SMPDL3B: variants seen among roughly 807,000 people sequenced by gnomAD.
The protein encoded by SMPDL3B is acid sphingomyelinase-like phosphodiesterase 3b.
SMPDL3B carries 31 observed loss-of-function variants against 37.9 expected under a neutral mutation model. That is an observed-to-expected ratio of 0.82 (90% CI 0.61 to 1.10). The LOEUF is 1.10. SMPDL3B is among the 50% of genes least tolerant of loss of function. SMPDL3B has a pLI of 0.00. For synonymous variants in SMPDL3B, 235 were observed against 242.6 expected, an observed-to-expected ratio of 0.97 and a Z score of 0.29; for missense variants, 525 against 597.8, an observed-to-expected ratio of 0.88 and a Z score of 1.27.
At chr1:27,946,448 G>A (rs1221396889) in intron 2 of SMPDL3B, among the ~76,000 whole-genome samples, 1 of 152,148 alleles carries the variant, frequency 6.6e-6, no homozygotes, top group Non-Finnish European at 1.5e-5. Context: ...CAGTTGTGGG[G>A]TAGATGCTAG....
chr1:27,955,984 G>T lies in SMPDL3B; in HGVS notation c.907G>T (p.Val303Phe). Residue 303 changes from valine (V) to phenylalanine (F), a missense_variant, in exon 7 of 8, where the codon GTC (valine) becomes TTC (phenylalanine). Coordinates refer to ENST00000373894, the MANE Select transcript of SMPDL3B (RefSeq NM_014474.4). ...AAGCGCCATGTTCATCACACCTGGA[G>T]TCACCCCATGGAAAACCACATTACC... ...PISAMFITPGVTPWKTTLPGV... is the reference protein window; with the variant it reads ...PISAMFITPGFTPWKTTLPGV... 1 of 1,614,062 alleles carries T rather than the reference G, an allele frequency of 6.2e-7. No individual in the cohort carries two copies. The highest frequency in any genetic ancestry group is 8.5e-7 in the Non-Finnish European group (1 of 1,180,016).
intron 1 of SMPDL3B, among the ~76,000 whole-genome samples, chr1:27,944,012 CAAAA>C (rs5773206): frequency 6.5e-5 from 6 of 92,322 alleles, no homozygotes; most frequent in Non-Finnish European, 8.6e-5. Context: ...AACTCTGTCT[CAAAA>C]AAAAAAAAAA....
chr1:27,949,720 GCAA>G (rs1200475899), intron 3 of SMPDL3B, among the ~76,000 whole-genome samples: 1 of 152,146 alleles, frequency 6.6e-6, no homozygotes, highest in Non-Finnish European at 1.5e-5. Context: ...GATGGCCCTT[GCAA>G]ATGTTTTAAA....
intron 1 of SMPDL3B, 138 bp downstream of exon 1, chr1:27,935,382 GCTAGT>G: frequency 1.5e-6 from 1 of 650,718 alleles, no homozygotes; most frequent in Non-Finnish European, 2.7e-6. Flanking sequence ...GGTGGGGAGA[GCTAGT>G]GGGCCTTAGC....
intron 6 of SMPDL3B, 30 bp from the exon 7 acceptor site, chr1:27,955,919 C>G (rs75377410): frequency 6.2e-7 from 1 of 1,613,082 alleles, no homozygotes; most frequent in Non-Finnish European, 8.5e-7. Context: ...TCCCCAGACC[C>G]GCTCAGTCCT....
Position 27,958,600 on chromosome 1 carries a change from C to T in SMPDL3B, c.1130C>T (p.Thr377Ile). Residue 377 changes from threonine (T) to isoleucine (I), a missense_variant, in exon 8 of 8, where the codon ACA (threonine) becomes ATA (isoleucine). Physicochemically the swap from Thr to Ile is moderately conservative, Grantham distance 89. Transcript: ENST00000373894. The surrounding 1 kb of genome is among the most constrained non-coding windows in gnomAD (Gnocchi z 5.6). Reference protein sequence around the residue: ...VPDASAHSMHTVLDRIAGDQS... With the variant: ...VPDASAHSMHIVLDRIAGDQS... Reference sequence around the variant, plus strand: ...GACGCCAGCGCCCACTCCATGCACACAGTGCTGGACCGCATCGCTGGCGAC... The same window carrying T: ...GACGCCAGCGCCCACTCCATGCACATAGTGCTGGACCGCATCGCTGGCGAC... 1.2e-6 allele frequency: 2 copies of T among 1,613,194 alleles called. No individual in the cohort carries two copies. Among genetic ancestry groups the T allele is most frequent in the South Asian group, 2.2e-5 (2 of 91,082 alleles).
intron 7 of SMPDL3B, chr1:27,956,348 G>A: frequency 2.2e-6 from 3 of 1,360,546 alleles, no homozygotes; most frequent in Non-Finnish European, 2.9e-6. Context: ...GCCCTGCTAT[G>A]GCCCATCCGC....
At chr1:27,941,233 A>G (rs890944771) in intron 1 of SMPDL3B, among the ~76,000 whole-genome samples, 1 of 152,234 alleles carries the variant, frequency 6.6e-6, no homozygotes, top group African/African-American at 2.4e-5. Context: ...AACAGGCATG[A>G]CGACATTGTG....
At position 27,945,305 on chromosome 1, in the gene SMPDL3B, C is replaced by T; in HGVS notation, c.135C>T (p.Cys45=). The change falls in exon 2 of 8, where the codon TGC becomes TGT. Residue 45 remains cysteine, a synonymous_variant. Coordinates refer to ENST00000373894, the MANE Select transcript of SMPDL3B (RefSeq NM_014474.4). This position sits in a 1 kb window ranked among gnomAD's most constrained non-coding sequence, Gnocchi z 4.0. ...YKVSKDPFQV[C]PSAGSQPVPD... ...TATCCAAAGACCCCTTCCAGGTGTG[C>T]CCATCAGCTGGATCCCAGCCAGTGC... is the stretch of plus-strand genomic sequence containing the variant. The T allele has an allele frequency of 6.2e-7, 1 of 1,614,188 alleles. No homozygotes were observed.
At chr1:27,956,529 G>T in intron 7 of SMPDL3B, 1 of 1,070,030 alleles carries the variant, frequency 9.3e-7, no homozygotes, top group South Asian at 3.5e-5. Context: ...CACATTTTCC[G>T]TACACAGACG....
chr1:27,958,952 C>T lies in SMPDL3B; in HGVS notation c.*114C>T. ...GCCTGAGGAGTGAACTGAAATAGGA[C>T]AACCGAATCAGGAAGCGAAGCCCCA... On this transcript the variant is annotated 3_prime_UTR_variant, in exon 8 of 8. Coordinates refer to ENST00000373894, the MANE Select transcript of SMPDL3B (RefSeq NM_014474.4). This position sits in a 1 kb window ranked among gnomAD's most constrained non-coding sequence, Gnocchi z 5.6. The T allele has an allele frequency of 7.8e-7, 1 of 1,276,232 alleles. No homozygotes were observed. Among genetic ancestry groups the T allele is most frequent in the Non-Finnish European group, 1.0e-6 (1 of 954,026 alleles). The allele number at this position is 1,276,232 out of a possible 1,614,324, so 79.1% of individuals were successfully genotyped here. A position where few individuals can be genotyped will look rare whatever the true frequency, so the allele number is the denominator to read the frequency against.
At chr1:27,941,086 C>G (rs1190164959) in intron 1 of SMPDL3B, among the ~76,000 whole-genome samples, 2 of 152,218 alleles carry the variant, frequency 1.3e-5, no homozygotes, top group East Asian at 3.8e-4. Context: ...TCCCACCTCC[C>G]CATCCATGGT....
At chr1:27,956,502 A>C in intron 7 of SMPDL3B, 1 of 1,111,884 alleles carries the variant, frequency 9.0e-7, no homozygotes, top group Non-Finnish European at 1.1e-6. Context: ...CCACAGTCTG[A>C]CTTCAAGCCC....
chr1:27,947,246 G>A (rs1454182880), intron 2 of SMPDL3B, among the ~76,000 whole-genome samples: 1 of 152,010 alleles, frequency 6.6e-6, no homozygotes, highest in African/African-American at 2.4e-5. Flanking sequence ...ATGTTGGTGA[G>A]AGTGGTCTCA....
rs1181924392 is a variant in SMPDL3B at position 27,947,645 on chromosome 1, G to GT, written c.276-1413dup. Among the ~76,000 whole-genome samples, 43 of 84,840 alleles carry GT rather than the reference G, an allele frequency of 5.1e-4. No individual in the cohort carries two copies. In the South Asian group the frequency reaches 7.3e-3, roughly 14 times the overall value. The allele number at this position is 84,840 out of a possible 152,430, so 55.7% of individuals were successfully genotyped here. A position where few individuals can be genotyped will look rare whatever the true frequency, so the allele number is the denominator to read the frequency against. The stretch of plus-strand genomic sequence containing the variant: ...AAAAAAAAAAAAAAAGAAATTAGGT[G>GT]TTTTTTTGTTTTTTTTTTTTAAGAT... On this transcript the variant is annotated intron_variant, in intron 2 of 7. Coordinates refer to ENST00000373894, the MANE Select transcript of SMPDL3B (RefSeq NM_014474.4).
In SMPDL3B at chr1:27,958,991, T is replaced by A; in HGVS notation, c.*153T>A. 1.1e-6 allele frequency: 1 copy of A among 925,620 alleles called. No individual in the cohort carries two copies. The highest frequency in any genetic ancestry group is 2.7e-5 in the East Asian group (1 of 37,490). 57.3% of individuals were successfully genotyped at this position (925,620 alleles called of 1,614,324 possible). A position where few individuals can be genotyped will look rare whatever the true frequency, so the allele number is the denominator to read the frequency against. ...AGCGAAGCCCCAGGAGCTGCAGCCATCCGTGATCGCGCCACTGCACTCCAG... is the reference window on the plus strand; with the variant it reads ...AGCGAAGCCCCAGGAGCTGCAGCCAACCGTGATCGCGCCACTGCACTCCAG... On this transcript the variant is annotated 3_prime_UTR_variant, in exon 8 of 8. Transcript: ENST00000373894. This position sits in a 1 kb window ranked among gnomAD's most constrained non-coding sequence, Gnocchi z 5.6.
At position 27,958,387 on chromosome 1, in the gene SMPDL3B, TAA is replaced by T; in HGVS notation, c.1006-87_1006-86del. 6.6e-7 allele frequency: 1 copy of T among 1,509,894 alleles called. No individual in the cohort carries two copies. The highest frequency in any genetic ancestry group is 8.9e-7 in the Non-Finnish European group (1 of 1,125,668). 93.5% of individuals were successfully genotyped at this position (1,509,894 alleles called of 1,614,324 possible). A position where few individuals can be genotyped will look rare whatever the true frequency, so the allele number is the denominator to read the frequency against. On this transcript the variant is annotated intron_variant, in intron 7 of 7. Transcript: ENST00000373894. This position sits in a 1 kb window ranked among gnomAD's most constrained non-coding sequence, Gnocchi z 5.6. ...CTACTAGTGGTCATGGTCACTGCTC[TAA>T]AGAACTTGGGGGCAAATGCAAGGTG...
intron 1 of SMPDL3B, chr1:27,942,380 G>C (rs1248986104): frequency 6.4e-6 from 3 of 469,966 alleles, no homozygotes; most frequent in Non-Finnish European, 1.3e-5. Flanking sequence ...AGCCACTCAC[G>C]GTCTCAGCTC....
At chr1:27,939,354 T>A (rs1433300369) in intron 1 of SMPDL3B, among the ~76,000 whole-genome samples, 1 of 152,206 alleles carries the variant, frequency 6.6e-6, no homozygotes, top group Non-Finnish European at 1.5e-5. Context: ...TTTTTTATCT[T>A]ATTTTTCTTT....
Sources: allele counts gnomAD v4.1 joint callset (sites outside exome capture counted in the v4.1 genomes callset), GRCh38; gene constraint gnomAD v4.1.1; non-coding constraint Gnocchi (gnomAD v3.1); transcripts MANE v1.5; gene names NCBI Gene and HGNC (gene_info 2026-07-23, HGNC 2026-07-21).